Variants in CSNK2A2IP observed in about 807,000 individuals in gnomAD.
The protein encoded by CSNK2A2IP is casein kinase II subunit alpha'-interacting protein.
At chr3:88,366,733 G>A in the CSNK2A2IP span, among the ~76,000 whole-genome samples, 2 of 152,038 alleles carry the variant, frequency 1.3e-5, no homozygotes, top group Non-Finnish European at 2.9e-5. Flanking sequence ...CAAAGGACAA[G>A]GAAATCTTTC....
the CSNK2A2IP span, among the ~76,000 whole-genome samples, chr3:88,370,240 A>C: frequency 6.6e-6 from 1 of 151,948 alleles, no homozygotes; most frequent in African/African-American, 2.4e-5. Flanking sequence ...GTGCCATAGT[A>C]AACTATATGC....
the CSNK2A2IP span, among the ~76,000 whole-genome samples, chr3:88,400,152 A>C: frequency 6.6e-6 from 1 of 152,198 alleles, no homozygotes; most frequent in Non-Finnish European, 1.5e-5. Flanking sequence ...TCTATTCAAG[A>C]TGGCATAATT....
At chr3:88,343,750 C>T in the CSNK2A2IP span, among the ~76,000 whole-genome samples, 1 of 151,838 alleles carries the variant, frequency 6.6e-6, no homozygotes, top group Non-Finnish European at 1.5e-5. Context: ...GTATGTCTTT[C>T]ATTCATTTAA....
At chr3:88,438,597 C>T in the CSNK2A2IP span, among the ~76,000 whole-genome samples, 1 of 152,090 alleles carries the variant, frequency 6.6e-6, no homozygotes. Context: ...GAAGGAAGAC[C>T]GCACAGAGAA....
At chr3:88,416,948 A>G in the CSNK2A2IP span, among the ~76,000 whole-genome samples, 1 of 151,972 alleles carries the variant, frequency 6.6e-6, no homozygotes, top group African/African-American at 2.4e-5. Flanking sequence ...TTACAGCACT[A>G]TGAGTGTCTC....
At chr3:88,409,511 C>A in the CSNK2A2IP span, among the ~76,000 whole-genome samples, 60 of 150,690 alleles carry the variant, frequency 4.0e-4, no homozygotes, top group South Asian at 8.3e-3. Flanking sequence ...TGATCAGGTA[C>A]AGAAGAAAAT....
chr3:88,417,622 A>G, the CSNK2A2IP span, among the ~76,000 whole-genome samples: 5,632 of 152,278 alleles, frequency 0.037, 268 homozygotes, highest in East Asian at 0.19. Context: ...TGAGTATGAC[A>G]GGCAATCTAA....
chr3:88,355,051 T>C, the CSNK2A2IP span, among the ~76,000 whole-genome samples: 1 of 152,100 alleles, frequency 6.6e-6, no homozygotes, highest in Non-Finnish European at 1.5e-5. Context: ...CAGGGCATGA[T>C]CAACCCTGTG....
chr3:88,462,748 A>G, the CSNK2A2IP span, among the ~76,000 whole-genome samples: 3 of 152,188 alleles, frequency 2.0e-5, no homozygotes, highest in East Asian at 3.8e-4. Context: ...ATATAGAAAA[A>G]GACTTCTCTG....
the CSNK2A2IP span, among the ~76,000 whole-genome samples, chr3:88,373,603 TA>T: frequency 0.48 from 69,092 of 143,440 alleles, 16,701 homozygotes; most frequent in East Asian, 0.66. Context: ...GTAATGAAAG[TA>T]AAAAAAAAAA....
chr3:88,466,702 T>G, the CSNK2A2IP span: 5 of 1,135,802 alleles, frequency 4.4e-6, no homozygotes, highest in Non-Finnish European at 5.6e-6. Flanking sequence ...GAGGGATCTC[T>G]GTAGGCAGAT....
the CSNK2A2IP span, among the ~76,000 whole-genome samples, chr3:88,364,700 G>T: frequency 2.0e-5 from 3 of 152,094 alleles, no homozygotes; most frequent in Non-Finnish European, 4.4e-5. Flanking sequence ...ATTAATGATT[G>T]TATTAATTCC....
At chr3:88,461,887 C>T in the CSNK2A2IP span, among the ~76,000 whole-genome samples, 143 of 151,960 alleles carry the variant, frequency 9.4e-4, no homozygotes, top group African/African-American at 3.3e-3. Context: ...ACTACAGGTG[C>T]GAATCAATAC....
the CSNK2A2IP span, among the ~76,000 whole-genome samples, chr3:88,421,127 C>T: frequency 6.6e-6 from 1 of 152,064 alleles, no homozygotes; most frequent in South Asian, 2.1e-4. Flanking sequence ...ATTAGATCCA[C>T]CAGGTTTGCA....
At chr3:88,452,782 A>G in the CSNK2A2IP span, among the ~76,000 whole-genome samples, 1 of 152,174 alleles carries the variant, frequency 6.6e-6, no homozygotes, top group Non-Finnish European at 1.5e-5. Context: ...TAAAAAAGGC[A>G]CATAGCTTAC....
chr3:88,377,625 A>G, the CSNK2A2IP span, among the ~76,000 whole-genome samples: 1 of 151,856 alleles, frequency 6.6e-6, no homozygotes, highest in African/African-American at 2.4e-5. Context: ...ATTATTGTTT[A>G]CTGCATGCTA....
the CSNK2A2IP span, among the ~76,000 whole-genome samples, chr3:88,349,437 C>A: frequency 6.6e-6 from 1 of 152,082 alleles, no homozygotes; most frequent in Non-Finnish European, 1.5e-5. Context: ...CTTCCAGTTC[C>A]ATCCAAGTTT....
chr3:88,410,795 A>G, the CSNK2A2IP span, among the ~76,000 whole-genome samples: 2 of 152,024 alleles, frequency 1.3e-5, no homozygotes, highest in East Asian at 3.8e-4. Flanking sequence ...GGTTTATTGT[A>G]TGAATTCTGA....
the CSNK2A2IP span, among the ~76,000 whole-genome samples, chr3:88,457,695 C>CAAAATAAAATAAAATAAAAT: frequency 0.019 from 2,078 of 110,262 alleles, 31 homozygotes; most frequent in Middle Eastern, 0.032. Context: ...GACTCAGTCT[C>CAAAATAAAATAAAATAAAAT]AAAATAAAAT....
Sources: gnomAD v4.1 joint callset for allele counts (sites outside exome capture counted in the v4.1 genomes callset) on GRCh38, gnomAD v4.1.1 for gene constraint, MANE v1.5 for transcripts, NCBI Gene and HGNC (gene_info 2026-07-23, HGNC 2026-07-21) for gene names.